MCPH1: variants seen among roughly 807,000 people sequenced by gnomAD.
MCPH1 encodes microcephalin.
MCPH1 carries 104 observed loss-of-function variants against 84.5 expected under a neutral mutation model. The observed-to-expected ratio is 1.23, with a 90% CI of 1.05 to 1.45. The LOEUF (loss-of-function observed/expected upper bound fraction) is 1.45. Ranked by LOEUF, MCPH1 falls within the 40% of genes most tolerant of loss-of-function variation. The pLI is 0.00. For missense variants in MCPH1, 1,498 were observed against 1,005.7 expected (o/e 1.49, Z -6.62); for synonymous variants, 514 against 366.8 (o/e 1.40, Z -4.58).
At chr8:6,407,657 T>G (rs1797934582) in intron 1 of MCPH1, among the ~76,000 whole-genome samples, 1 of 152,254 alleles carries the variant, frequency 6.6e-6, no homozygotes, top group South Asian at 2.1e-4. Context: ...TGGCTATTTT[T>G]CTAATGTTAG....
intron 3 of MCPH1, among the ~76,000 whole-genome samples, chr8:6,415,643 C>T (rs1330862560): frequency 5.3e-5 from 8 of 152,092 alleles, no homozygotes; most frequent in South Asian, 2.1e-4. Context: ...TGTGAGCCAC[C>T]GTGCGCGGCC....
At chr8:6,450,115 G>A (rs1381278099) in intron 8 of MCPH1, among the ~76,000 whole-genome samples, 4 of 152,152 alleles carry the variant, frequency 2.6e-5, no homozygotes, top group African/African-American at 9.7e-5. Flanking sequence ...GCTTATCTGA[G>A]CAATTTGGTC....
At chr8:6,636,604 G>A (rs536791796) in intron 13 of MCPH1, among the ~76,000 whole-genome samples, 2 of 152,128 alleles carry the variant, frequency 1.3e-5, no homozygotes, top group Non-Finnish European at 1.5e-5. Context: ...CTCAGCCTCC[G>A]TTGTAGCTGG....
intron 9 of MCPH1, among the ~76,000 whole-genome samples, chr8:6,469,473 A>G (rs943677639): frequency 3.9e-5 from 6 of 152,126 alleles, no homozygotes; most frequent in African/African-American, 1.4e-4. Context: ...ATCTTTTGTC[A>G]TATTGGATTT....
At chr8:6,609,633 T>C (rs1024794566) in intron 12 of MCPH1, among the ~76,000 whole-genome samples, 1 of 152,212 alleles carries the variant, frequency 6.6e-6, no homozygotes, top group African/African-American at 2.4e-5. Flanking sequence ...ATGTGGCTTT[T>C]GGAAAAGCTA....
chr8:6,488,409 A>G (rs1358300992), intron 11 of MCPH1, among the ~76,000 whole-genome samples: 1 of 152,238 alleles, frequency 6.6e-6, no homozygotes, highest in Non-Finnish European at 1.5e-5. Flanking sequence ...AGTGCTAAGA[A>G]TGACTGATGT....
At chr8:6,564,331 A>AT (rs1470203760) in intron 12 of MCPH1, among the ~76,000 whole-genome samples, 1 of 152,140 alleles carries the variant, frequency 6.6e-6, no homozygotes, top group Non-Finnish European at 1.5e-5. Context: ...TTTGTAACAC[A>AT]TTATCAATTA....
rs1045082315 is a variant in MCPH1, at chr8:6,434,499, G to A, written c.322-1549G>A. On this transcript the variant is annotated intron_variant, in intron 4 of 13. Transcript: ENST00000344683. ...AGCAGTGCAGGCCGGTTCCAAGCCT[G>A]TTGAAATGAACCTCCCAAGACACAT... Among the ~76,000 whole-genome samples the A allele has an allele frequency of 1.4e-4, 21 of 152,278 alleles. 2 individuals carry two copies. The highest frequency in any genetic ancestry group is 4.8e-4 in the African/African-American group (20 of 41,556).
chr8:6,546,979 T>C (rs1378196916), intron 12 of MCPH1, among the ~76,000 whole-genome samples: 1 of 152,198 alleles, frequency 6.6e-6, no homozygotes, highest in Non-Finnish European at 1.5e-5. Context: ...CTGTCTTCTT[T>C]CAGGTGAACA....
chr8:6,415,017 T>C (rs77635671), intron 3 of MCPH1, 134 bp downstream of exon 3: 8 of 778,046 alleles, frequency 1.0e-5, no homozygotes, highest in Non-Finnish European at 1.6e-5. Flanking sequence ...CACCTAGTAA[T>C]TTGAAATCCT....
At chr8:6,625,620 T>G (rs536614751) in intron 13 of MCPH1, 1 of 985,218 alleles carries the variant, frequency 1.0e-6, no homozygotes, top group Non-Finnish European at 1.2e-6. Context: ...CTTTGTAAGG[T>G]AGGGTCCCTG....
chr8:6,437,988 C>T (rs535130801), intron 5 of MCPH1, among the ~76,000 whole-genome samples: 1 of 152,126 alleles, frequency 6.6e-6, no homozygotes, highest in South Asian at 2.1e-4. Flanking sequence ...TTTAAAATTT[C>T]CTGGTGTCAT....
At chr8:6,498,201 G>A (rs779180237) in intron 11 of MCPH1, among the ~76,000 whole-genome samples, 6 of 152,216 alleles carry the variant, frequency 3.9e-5, no homozygotes, top group Non-Finnish European at 5.9e-5. Flanking sequence ...TGTTGCAGCG[G>A]ATGCTGAATT....
chr8:6,579,563 T>C lies in MCPH1; in HGVS notation c.2215-41891T>C, dbSNP rs117848682. On this transcript the variant is annotated intron_variant, in intron 12 of 13. Transcript: ENST00000344683. ...TGTTTTGGTGCCCAGATAATGTGAC[T>C]GTAGTTAGTATGTAGTGTTTGGACT... Among the ~76,000 whole-genome samples the C allele has an allele frequency of 6.6e-3, 1,007 of 152,354 alleles. 3 individuals carry two copies. Among genetic ancestry groups the C allele is most frequent in the Non-Finnish European group, 9.3e-3 (630 of 68,036 alleles).
At chr8:6,565,284 G>C (rs1826061938) in intron 12 of MCPH1, among the ~76,000 whole-genome samples, 1 of 152,228 alleles carries the variant, frequency 6.6e-6, no homozygotes, top group Non-Finnish European at 1.5e-5. Context: ...ATGGGGATCA[G>C]TTCTTCCACC....
chr8:6,629,567 C>T (rs1176838948), intron 13 of MCPH1, among the ~76,000 whole-genome samples: 2 of 152,150 alleles, frequency 1.3e-5, no homozygotes, highest in Non-Finnish European at 2.9e-5. Flanking sequence ...ATCTGCAACC[C>T]GAGCAGTCTC....
intron 12 of MCPH1, among the ~76,000 whole-genome samples, chr8:6,606,873 C>T (rs914305762): frequency 1.3e-5 from 2 of 152,220 alleles, no homozygotes; most frequent in Non-Finnish European, 2.9e-5. Flanking sequence ...CACAAGCTCT[C>T]TTCTCTTGTT....
At chr8:6,478,408 G>T (rs749567666) in intron 10 of MCPH1, among the ~76,000 whole-genome samples, 1 of 152,112 alleles carries the variant, frequency 6.6e-6, no homozygotes. Context: ...GTCTAATACA[G>T]AAGCGAATAT....
intron 9 of MCPH1, 53 bp from the exon 10 acceptor site, chr8:6,477,541 A>G: frequency 6.5e-7 from 1 of 1,531,682 alleles, no homozygotes; most frequent in Non-Finnish European, 9.0e-7. Context: ...TGTGGGAAAA[A>G]TATTTTTTAT....
Sources: gnomAD v4.1 joint callset for allele counts (sites outside exome capture counted in the v4.1 genomes callset) on GRCh38, gnomAD v4.1.1 for gene constraint, MANE v1.5 for transcripts, NCBI Gene and HGNC (gene_info 2026-07-23, HGNC 2026-07-21) for gene names.